The following ATG5 variants were observed in gnomAD, a reference collection of about 807,000 sequenced individuals.
The protein encoded by ATG5 is autophagy related 5.
ATG5 carries 14 observed loss-of-function variants against 36.5 expected under a neutral mutation model. The ratio of observed to expected loss-of-function variants is 0.38; its 90% confidence interval spans 0.25 to 0.60. ATG5 has a LOEUF of 0.60. Ranked by LOEUF, ATG5 falls within the 20% of genes least tolerant of loss-of-function variation. The pLI is 0.60. For missense variants in ATG5, 195 were observed against 326.7 expected (o/e 0.60, Z 3.11); for synonymous variants, 95 against 101.5 (o/e 0.94, Z 0.38).
chr6:106,200,488 T>C (rs1161725562), intron 7 of ATG5, among the ~76,000 whole-genome samples: 1 of 152,082 alleles, frequency 6.6e-6, no homozygotes, highest in African/African-American at 2.4e-5. Context: ...TTTTTTTTTT[T>C]TTTTGAGACG....
At chr6:106,251,501 A>G (rs1225341891) in intron 5 of ATG5, among the ~76,000 whole-genome samples, 1 of 149,502 alleles carries the variant, frequency 6.7e-6, no homozygotes, top group Non-Finnish European at 1.5e-5. Context: ...CCCAAATACA[A>G]CTATGTTTAA....
intron 2 of ATG5, among the ~76,000 whole-genome samples, chr6:106,314,529 A>G (rs1173891331): frequency 1.3e-5 from 2 of 152,198 alleles, no homozygotes; most frequent in Non-Finnish European, 2.9e-5. Flanking sequence ...TGCCCCCTCC[A>G]GCCTGGGCAA....
At position 106,295,824 on chromosome 6, in the gene ATG5, A is replaced by T. The variant is rs1156936447; in HGVS notation, c.237-2718T>A. On this transcript the variant is annotated intron_variant, in intron 3 of 7. Transcript: ENST00000369076. Reference sequence around the variant, plus strand: ...AGCAATACTCCCACCTTGGCCACCCAAAGTAATGAGATTATAGGCATGAGC... The same window carrying T: ...AGCAATACTCCCACCTTGGCCACCCTAAGTAATGAGATTATAGGCATGAGC... Among the ~76,000 whole-genome samples the T allele has an allele frequency of 3.3e-5, 5 of 152,314 alleles. No homozygotes were observed. The East Asian group carries it at 9.6e-4, about 29-fold the overall frequency.
chr6:106,258,708 G>A (rs886151251), intron 5 of ATG5, among the ~76,000 whole-genome samples: 2 of 152,258 alleles, frequency 1.3e-5, no homozygotes, highest in African/African-American at 4.8e-5. Flanking sequence ...AAATAAAACA[G>A]CTTGTTTGCT....
At chr6:106,272,930 T>A (rs1471338382) in intron 5 of ATG5, among the ~76,000 whole-genome samples, 1 of 152,192 alleles carries the variant, frequency 6.6e-6, no homozygotes, top group East Asian at 1.9e-4. Context: ...AGACAAGGAA[T>A]GAAAAATAAT....
intron 5 of ATG5, among the ~76,000 whole-genome samples, chr6:106,251,872 GCT>G (rs1778606331): frequency 6.6e-6 from 1 of 151,632 alleles, no homozygotes; most frequent in South Asian, 2.1e-4. Context: ...ACAGAGTCTC[GCT>G]CTGTCACCCC....
chr6:106,212,576 T>G (rs1233680327), intron 6 of ATG5, among the ~76,000 whole-genome samples: 2 of 152,042 alleles, frequency 1.3e-5, no homozygotes, highest in Non-Finnish European at 2.9e-5. Context: ...GAGGCGGAGG[T>G]TGCAGTGAGC....
intron 6 of ATG5, among the ~76,000 whole-genome samples, chr6:106,213,106 G>C (rs905877780): frequency 6.6e-6 from 1 of 152,180 alleles, no homozygotes; most frequent in African/African-American, 2.4e-5. Flanking sequence ...TAGTACCCAA[G>C]TGCAGGATCT....
At chr6:106,234,571 A>AT (rs931967524) in intron 6 of ATG5, among the ~76,000 whole-genome samples, 5 of 152,112 alleles carry the variant, frequency 3.3e-5, no homozygotes, top group African/African-American at 9.7e-5. Flanking sequence ...CCTCAGGAAT[A>AT]TTTTTTGTCT....
At chr6:106,249,919 C>A (rs1413044108) in intron 5 of ATG5, among the ~76,000 whole-genome samples, 1 of 152,208 alleles carries the variant, frequency 6.6e-6, no homozygotes, top group Non-Finnish European at 1.5e-5. Context: ...AAATGCCTAT[C>A]AAATCACTTT....
At chr6:106,308,331 T>C in intron 3 of ATG5, 33 bp downstream of exon 3, 2 of 1,527,696 alleles carry the variant, frequency 1.3e-6, no homozygotes, top group Non-Finnish European at 1.7e-6. Flanking sequence ...TAGTATATAC[T>C]TAATGCTTAA....
intron 5 of ATG5, among the ~76,000 whole-genome samples, chr6:106,267,519 C>G (rs1174138909): frequency 6.6e-6 from 1 of 152,148 alleles, no homozygotes; most frequent in African/African-American, 2.4e-5. Flanking sequence ...CAAAAAAGAG[C>G]CTGTATAGCC....
At chr6:106,251,973 T>G (rs1562237911) in intron 5 of ATG5, among the ~76,000 whole-genome samples, 1 of 152,112 alleles carries the variant, frequency 6.6e-6, no homozygotes, top group East Asian at 2.0e-4. Context: ...CCCAAGTAGC[T>G]GGGGTTATAG....
At chr6:106,223,290 G>GA (rs1230672048) in intron 6 of ATG5, among the ~76,000 whole-genome samples, 1 of 152,096 alleles carries the variant, frequency 6.6e-6, no homozygotes, top group Non-Finnish European at 1.5e-5. Flanking sequence ...ATATCTGCTG[G>GA]AAAAAGCAAC....
At chr6:106,203,889 A>G (rs1284500362) in intron 6 of ATG5, among the ~76,000 whole-genome samples, 1 of 152,188 alleles carries the variant, frequency 6.6e-6, no homozygotes, top group East Asian at 1.9e-4. Flanking sequence ...ACCTCAACAT[A>G]TTTGACACAA....
chr6:106,233,004 T>G (rs1777749949), intron 6 of ATG5, among the ~76,000 whole-genome samples: 1 of 152,204 alleles, frequency 6.6e-6, no homozygotes, highest in South Asian at 2.1e-4. Flanking sequence ...GCCCAAGACT[T>G]GAGCCGGTTC....
intron 4 of ATG5, among the ~76,000 whole-genome samples, chr6:106,290,005 T>A (rs1023927322): frequency 1.3e-5 from 2 of 151,618 alleles, no homozygotes; most frequent in Non-Finnish European, 2.9e-5. Context: ...CTACACCAAA[T>A]TTAACAAGTT....
chr6:106,248,300 C>T lies in ATG5; in HGVS notation c.479-56G>A, dbSNP rs1416904603. Reference sequence around the variant, plus strand: ...AATGAACAACATTATAATGGAATACCTCACATGAAGAGATGAAAGTTTTAA... The same window carrying T: ...AATGAACAACATTATAATGGAATACTTCACATGAAGAGATGAAAGTTTTAA... On this transcript the variant is annotated intron_variant, in intron 5 of 7. Coordinates refer to ENST00000369076, the MANE Select transcript of ATG5 (RefSeq NM_004849.4). The T allele has an allele frequency of 3.9e-6, 5 of 1,296,062 alleles. No individual in the cohort carries two copies. The East Asian group carries it at 1.2e-4, about 30-fold the overall frequency. 80.3% of individuals were successfully genotyped at this position (1,296,062 alleles called of 1,614,324 possible).
chr6:106,263,889 A>T (rs998412741), intron 5 of ATG5, among the ~76,000 whole-genome samples: 1 of 151,964 alleles, frequency 6.6e-6, no homozygotes, highest in Non-Finnish European at 1.5e-5. Context: ...AAAAAAAAAA[A>T]AAAACAGCAC....
Sources: gnomAD v4.1 joint callset for allele counts (sites outside exome capture counted in the v4.1 genomes callset) on GRCh38, gnomAD v4.1.1 for gene constraint, MANE v1.5 for transcripts, NCBI Gene and HGNC (gene_info 2026-07-23, HGNC 2026-07-21) for gene names.